Variants in TBC1D16 observed in about 807,000 individuals in gnomAD.
TBC1D16 encodes the protein TBC1 domain family member 16.
Under a neutral mutation model 74.7 loss-of-function variants are expected in TBC1D16, and 58 were observed. That is an observed-to-expected ratio of 0.78 (90% CI 0.63 to 0.97). The LOEUF is 0.97. TBC1D16 is among the 50% of genes least tolerant of loss of function. The probability of loss-of-function intolerance (pLI) is 0.00; values close to 1 mark genes in which losing one functional copy is unlikely to be tolerated. For synonymous variants in TBC1D16, 493 were observed against 474.7 expected, an observed-to-expected ratio of 1.04 and a Z score of -0.50; for missense variants, 1,014 against 1,079.5, an observed-to-expected ratio of 0.94 and a Z score of 0.85.
intron 1 of TBC1D16, among the ~76,000 whole-genome samples, chr17:80,026,423 T>G (rs1293895197): frequency 6.7e-6 from 1 of 149,664 alleles, no homozygotes; most frequent in Admixed American, 6.6e-5. Context: ...AGACTCTCTC[T>G]CCAAAACAAA....
chr17:79,976,979 C>T (rs1465398830), intron 3 of TBC1D16, among the ~76,000 whole-genome samples: 1 of 152,232 alleles, frequency 6.6e-6, no homozygotes, highest in Non-Finnish European at 1.5e-5. Context: ...TTCTACCTGC[C>T]TGCTGAGCTG....
chr17:79,932,845 C>T lies in TBC1D16; in HGVS notation c.*8014G>A, dbSNP rs1360217766. On this transcript the variant is annotated 3_prime_UTR_variant, in exon 12 of 12. Coordinates refer to ENST00000310924, the MANE Select transcript of TBC1D16 (RefSeq NM_019020.4). The stretch of plus-strand genomic sequence containing the variant: ...TTTTGCACCATCCTAATTTCAACAT[C>T]CAGATGTCAATTCAGAAAATTATTA... 1 of 151,708 alleles carries T rather than the reference C, an allele frequency of 6.6e-6. No homozygotes were observed. The highest frequency in any genetic ancestry group is 1.9e-4 in the East Asian group (1 of 5,206). 9.4% of individuals were successfully genotyped at this position (151,708 alleles called of 1,614,324 possible). A position where few individuals can be genotyped will look rare whatever the true frequency, so the allele number is the denominator to read the frequency against.
At position 79,948,988 on chromosome 17, in the gene TBC1D16, C is replaced by T; in HGVS notation, c.1425G>A (p.Glu475=). 1.2e-6 allele frequency: 2 copies of T among 1,614,120 alleles called. No homozygotes were observed. Among genetic ancestry groups the T allele is most frequent in the Admixed American group, 1.7e-5 (1 of 60,030 alleles). ...CATTACGCCAGAACGCTCTGTGCTC[C>T]TCGGGAGTCATGGAGAGCCTGTGTG... ...IQQKRLSMTP[E]EHRAFWRNVQ... The change falls in exon 8 of 12, where the codon GAG becomes GAA. Residue 475 remains glutamate, a synonymous_variant. Coordinates refer to ENST00000310924, the MANE Select transcript of TBC1D16 (RefSeq NM_019020.4).
At chr17:79,949,147 C>A in intron 7 of TBC1D16, 141 bp from the exon 8 acceptor site, 1 of 1,072,976 alleles carries the variant, frequency 9.3e-7, no homozygotes, top group Non-Finnish European at 1.4e-6. Context: ...GGCTGCAGAC[C>A]CTCCCCGGAT....
In TBC1D16 at chr17:79,957,856, TAA is replaced by T. The variant is rs34391874; in HGVS notation, c.780-5040_780-5039del. Among the ~76,000 whole-genome samples, 244 of 143,896 alleles carry T rather than the reference TAA, an allele frequency of 1.7e-3. 4 individuals carry two copies. The highest frequency in any genetic ancestry group is 5.3e-3 in the African/African-American group (208 of 39,286). 94.4% of individuals were successfully genotyped at this position (143,896 alleles called of 152,430 possible). A position where few individuals can be genotyped will look rare whatever the true frequency, so the allele number is the denominator to read the frequency against. On this transcript the variant is annotated intron_variant, in intron 3 of 11. Coordinates refer to ENST00000310924, the MANE Select transcript of TBC1D16 (RefSeq NM_019020.4). ...AACAGCTTCAAAAAATAACATCTATTAAAAAAAAAAAACCAACAAAACAAATG... is the reference window on the plus strand; with the variant it reads ...AACAGCTTCAAAAAATAACATCTATTAAAAAAAAAACCAACAAAACAAATG...
Position 79,942,042 on chromosome 17 carries a change from C to T in TBC1D16, c.2055+18G>A. The stretch of plus-strand genomic sequence containing the variant: ...TGGGGGCGGGGCGGGGTGGGGCCCA[C>T]ATCTGGGGCAGCCTCACCTTCCGGA... On this transcript the variant is annotated intron_variant, in intron 11 of 11. Transcript: ENST00000310924. 1.2e-6 allele frequency: 2 copies of T among 1,602,082 alleles called. No homozygotes were observed. The highest frequency in any genetic ancestry group is 1.1e-5 in the South Asian group (1 of 89,370).
chr17:80,003,904 C>T (rs574729848), intron 3 of TBC1D16, among the ~76,000 whole-genome samples: 2 of 152,148 alleles, frequency 1.3e-5, no homozygotes, highest in East Asian at 1.9e-4. Context: ...AATAAATGAA[C>T]GGGGCATGGT....
chr17:79,973,799 G>A (rs1366283458), intron 3 of TBC1D16, among the ~76,000 whole-genome samples: 1 of 151,926 alleles, frequency 6.6e-6, no homozygotes, highest in Non-Finnish European at 1.5e-5. Flanking sequence ...AGGCTACAGT[G>A]AGCCATGATC....
intron 3 of TBC1D16, among the ~76,000 whole-genome samples, chr17:79,996,152 T>C (rs376667154): frequency 2.0e-4 from 30 of 152,350 alleles, no homozygotes; most frequent in South Asian, 6.2e-4. Flanking sequence ...AAAGAAATCA[T>C]GTATTAACAG....
At position 79,971,456 on chromosome 17, in the gene TBC1D16, T is replaced by G. The variant is rs1220680628; in HGVS notation, c.780-18638A>C. Among the ~76,000 whole-genome samples the G allele has an allele frequency of 5.9e-5, 9 of 152,118 alleles. No homozygotes were observed. The highest frequency in any genetic ancestry group is 4.4e-5 in the Non-Finnish European group (3 of 68,004). On this transcript the variant is annotated intron_variant, in intron 3 of 11. Coordinates refer to ENST00000310924, the MANE Select transcript of TBC1D16 (RefSeq NM_019020.4). The surrounding 1 kb of genome is among the most constrained non-coding windows in gnomAD (Gnocchi z 4.6). ...GCCTGTCCCCCAGGTCATCCTGGTC[T>G]GGAAGCCCTGTCCCCCAGGTCATCC...
chr17:80,021,790 C>T (rs545270728), intron 1 of TBC1D16, among the ~76,000 whole-genome samples: 1 of 149,712 alleles, frequency 6.7e-6, no homozygotes, highest in Non-Finnish European at 1.5e-5. Flanking sequence ...ACACCACACT[C>T]TACACACACA....
At position 79,980,198 on chromosome 17, in the gene TBC1D16, A is replaced by C. The variant is rs2034523756; in HGVS notation, c.780-27380T>G. Among the ~76,000 whole-genome samples, 1 of 152,194 alleles carries C rather than the reference A, an allele frequency of 6.6e-6. No individual in the cohort carries two copies. Among genetic ancestry groups the C allele is most frequent in the South Asian group, 2.1e-4 (1 of 4,830 alleles). On this transcript the variant is annotated intron_variant, in intron 3 of 11. Coordinates refer to ENST00000310924, the MANE Select transcript of TBC1D16 (RefSeq NM_019020.4). This position sits in a 1 kb window ranked among gnomAD's most constrained non-coding sequence, Gnocchi z 7.0. ...TCCGTGACGTTCCCCTAGGCAATTT[A>C]AAAATGGAGTGAATACTGATAATAA...
At position 79,944,388 on chromosome 17, in the gene TBC1D16, G is replaced by A. The variant is rs1465471274; in HGVS notation, c.1908+520C>T. 6.6e-6 allele frequency among the ~76,000 whole-genome samples: 1 copy of A among 152,250 alleles called. No individual in the cohort carries two copies. The highest frequency in any genetic ancestry group is 2.4e-5 in the African/African-American group (1 of 41,464). Reference sequence around the variant, plus strand: ...ACAGAGCCAGTGCTGTGCTCCAAGGGGAATTTGCTGAGAAGATGCTGGTGA... The same window carrying A: ...ACAGAGCCAGTGCTGTGCTCCAAGGAGAATTTGCTGAGAAGATGCTGGTGA... On this transcript the variant is annotated intron_variant, in intron 10 of 11. Transcript: ENST00000310924. The surrounding 1 kb of genome is among the most constrained non-coding windows in gnomAD (Gnocchi z 7.7).
rs2035783243 is a variant in TBC1D16 at position 80,009,072 on chromosome 17, C to G, written c.779+1088G>C. ...GATAGCAGGGGATAATAGGAGGGCCCACCTCACGGGGCGTGGGGCTGTGGA... is the reference window on the plus strand; with the variant it reads ...GATAGCAGGGGATAATAGGAGGGCCGACCTCACGGGGCGTGGGGCTGTGGA... On this transcript the variant is annotated intron_variant, in intron 3 of 11. Coordinates refer to ENST00000310924, the MANE Select transcript of TBC1D16 (RefSeq NM_019020.4). The surrounding 1 kb of genome is among the most constrained non-coding windows in gnomAD (Gnocchi z 5.4). Among the ~76,000 whole-genome samples the G allele has an allele frequency of 6.6e-6, 1 of 152,214 alleles. No individual in the cohort carries two copies. The highest frequency in any genetic ancestry group is 6.5e-5 in the Admixed American group (1 of 15,286).
At chr17:79,945,723 G>A (rs986772188) in intron 9 of TBC1D16, among the ~76,000 whole-genome samples, 4 of 152,228 alleles carry the variant, frequency 2.6e-5, no homozygotes, top group East Asian at 1.9e-4. Context: ...GCCATGAGCC[G>A]TCAGAGGCGA....
intron 3 of TBC1D16, among the ~76,000 whole-genome samples, chr17:80,005,607 G>A (rs1327264659): frequency 1.3e-5 from 2 of 152,186 alleles, no homozygotes; most frequent in East Asian, 3.9e-4. Context: ...GCAGGACGAC[G>A]CATTGGCGAC....
rs1399131494 is a variant in TBC1D16, at chr17:79,983,389, G to A, written c.779+26771C>T. Among the ~76,000 whole-genome samples, 3 of 152,168 alleles carry A rather than the reference G, an allele frequency of 2.0e-5. No homozygotes were observed. Among genetic ancestry groups the A allele is most frequent in the Non-Finnish European group, 2.9e-5 (2 of 68,040 alleles). On this transcript the variant is annotated intron_variant, in intron 3 of 11. Coordinates refer to ENST00000310924, the MANE Select transcript of TBC1D16 (RefSeq NM_019020.4). The surrounding 1 kb of genome is among the most constrained non-coding windows in gnomAD (Gnocchi z 5.6). ...GGGCTCCTGTCCCTCTGCACCAAAG[G>A]TGTGCACAGAAGCTGTCAAGGTGAC...
intron 3 of TBC1D16, among the ~76,000 whole-genome samples, chr17:79,960,805 A>AAAAAAAAAAG (rs2033572593): frequency 6.9e-6 from 1 of 145,554 alleles, no homozygotes; most frequent in African/African-American, 2.6e-5. Context: ...AAAAAAAAAA[A>AAAAAAAAAAG]AAAACGAAGG....
At chr17:79,955,750 C>T (rs935521731) in intron 3 of TBC1D16, among the ~76,000 whole-genome samples, 1 of 152,172 alleles carries the variant, frequency 6.6e-6, no homozygotes, top group Non-Finnish European at 1.5e-5. Context: ...TTCTGAAGAT[C>T]ACCCAAATGT....
Sources: gnomAD v4.1 joint callset for allele counts (sites outside exome capture counted in the v4.1 genomes callset) on GRCh38, gnomAD v4.1.1 for gene constraint, Gnocchi (gnomAD v3.1) non-coding constraint, MANE v1.5 for transcripts, NCBI Gene and HGNC (gene_info 2026-07-23, HGNC 2026-07-21) for gene names.